NCOA5: variants seen among roughly 807,000 people sequenced by gnomAD.
The protein encoded by NCOA5 is NCoA-5.
In NCOA5, 12 loss-of-function variants were observed where a neutral mutation model predicts 59.0. That is an observed-to-expected ratio of 0.20 (90% CI 0.13 to 0.33). The LOEUF is 0.33. Ranked by LOEUF, NCOA5 falls within the 10% of genes least tolerant of loss-of-function variation. The pLI is 1.00. For missense variants in NCOA5, 655 were observed against 766.6 expected (o/e 0.85, Z 1.72); for synonymous variants, 270 against 275.5 (o/e 0.98, Z 0.20).
chr20:46,063,715 A>G, intron 6 of NCOA5, 35 bp from the exon 7 acceptor site: 3 of 1,592,166 alleles, frequency 1.9e-6, no homozygotes, highest in Non-Finnish European at 2.6e-6. Flanking sequence ...ATTTTCTTCC[A>G]TGACATATTT....
intron 4 of NCOA5, 143 bp from the exon 5 acceptor site, chr20:46,067,324 T>A: frequency 9.9e-7 from 1 of 1,009,904 alleles, no homozygotes; most frequent in Non-Finnish European, 1.4e-6. Context: ...TATTTTTTAC[T>A]ATTATAAATT....
At chr20:46,077,489 C>A (rs556511556) in intron 2 of NCOA5, among the ~76,000 whole-genome samples, 4 of 152,156 alleles carry the variant, frequency 2.6e-5, no homozygotes, top group Admixed American at 2.6e-4. Context: ...CAATCCATAA[C>A]AGAAACAGGA....
rs766951867 is a variant in NCOA5, at chr20:46,061,494, G to A, written c.*806C>T. The A allele has an allele frequency of 2.0e-5, 3 of 152,530 alleles. No homozygotes were observed. Among genetic ancestry groups the A allele is most frequent in the Admixed American group, 6.6e-5 (1 of 15,252 alleles). The allele number at this position is 152,530 out of a possible 1,614,324, so 9.4% of individuals were successfully genotyped here. A position where few individuals can be genotyped will look rare whatever the true frequency, so the allele number is the denominator to read the frequency against. The stretch of plus-strand genomic sequence containing the variant: ...AATCACTGAAGAAACGGGTGTTCAC[G>A]GCCAGAGTCTCAGAACCAACTTCAT... On this transcript the variant is annotated 3_prime_UTR_variant, in exon 8 of 8. Coordinates refer to ENST00000290231, the MANE Select transcript of NCOA5 (RefSeq NM_020967.3).
intron 1 of NCOA5, among the ~76,000 whole-genome samples, chr20:46,084,413 T>C (rs2047340644): frequency 6.6e-6 from 1 of 152,192 alleles, no homozygotes; most frequent in South Asian, 2.1e-4. Flanking sequence ...GTCCAGTCTA[T>C]GCTAGACACT....
intron 1 of NCOA5, among the ~76,000 whole-genome samples, chr20:46,083,514 TA>T (rs2085014051): frequency 1.3e-5 from 2 of 152,162 alleles, no homozygotes; most frequent in Admixed American, 6.5e-5. Flanking sequence ...AAAAGACAAT[TA>T]AGATCTCTAA....
chr20:46,075,071 T>C (rs1056712767), intron 2 of NCOA5, among the ~76,000 whole-genome samples: 1 of 152,138 alleles, frequency 6.6e-6, no homozygotes, highest in East Asian at 1.9e-4. Context: ...TGCTGTATGA[T>C]GTTGATCCTC....
intron 2 of NCOA5, among the ~76,000 whole-genome samples, chr20:46,075,272 T>A (rs139258026): frequency 1.3e-5 from 2 of 152,168 alleles, no homozygotes; most frequent in Admixed American, 6.5e-5. Context: ...ACTTTCTTAT[T>A]GGTAGAGGTG....
intron 2 of NCOA5, among the ~76,000 whole-genome samples, chr20:46,077,807 T>C (rs1484276178): frequency 1.3e-5 from 2 of 152,222 alleles, no homozygotes; most frequent in African/African-American, 2.4e-5. Context: ...TCCACCTGTA[T>C]TCCATTCTGT....
At chr20:46,081,862 C>T (rs767941266) in intron 1 of NCOA5, among the ~76,000 whole-genome samples, 1 of 151,710 alleles carries the variant, frequency 6.6e-6, no homozygotes, top group Non-Finnish European at 1.5e-5. Context: ...CAACCACCAA[C>T]ATTACTGCCA....
intron 1 of NCOA5, among the ~76,000 whole-genome samples, chr20:46,079,896 G>GT (rs1462614874): frequency 1.3e-5 from 2 of 152,186 alleles, no homozygotes; most frequent in Non-Finnish European, 2.9e-5. Flanking sequence ...TTACTAAGAA[G>GT]TAATAGCTGG....
intron 2 of NCOA5, among the ~76,000 whole-genome samples, chr20:46,077,593 G>A (rs1300757342): frequency 6.6e-6 from 1 of 152,152 alleles, no homozygotes; most frequent in Non-Finnish European, 1.5e-5. Flanking sequence ...AAGTATCATG[G>A]AGACAACAGA....
intron 6 of NCOA5, 22 bp downstream of exon 6, chr20:46,065,007 C>T (rs368658697): frequency 1.3e-4 from 208 of 1,613,164 alleles, no homozygotes; most frequent in Non-Finnish European, 1.6e-4. Context: ...TAGTGACTAC[C>T]TCCGGTATTC....
Position 46,061,861 on chromosome 20 carries a change from T to C in NCOA5, c.*439A>G, listed in dbSNP as rs547275359. 5.1e-5 allele frequency: 8 copies of C among 156,944 alleles called. No individual in the cohort carries two copies. In the South Asian group the frequency reaches 1.5e-3, roughly 30 times the overall value. The allele number at this position is 156,944 out of a possible 1,614,324, so 9.7% of individuals were successfully genotyped here. On this transcript the variant is annotated 3_prime_UTR_variant, in exon 8 of 8. Transcript: ENST00000290231. ...CTTTTCTTCAACTCTAGGCAGGAGT[T>C]GCAGGCAGGAGCTTGAGCTCTGGTC... is the stretch of plus-strand genomic sequence containing the variant.
chr20:46,074,179 C>G (rs990779937), intron 2 of NCOA5, among the ~76,000 whole-genome samples: 2 of 152,130 alleles, frequency 1.3e-5, no homozygotes, highest in Non-Finnish European at 2.9e-5. Flanking sequence ...AGGACCCAAA[C>G]AAAGAACTCC....
At chr20:46,076,805 T>C (rs752234653) in intron 2 of NCOA5, among the ~76,000 whole-genome samples, 2 of 152,212 alleles carry the variant, frequency 1.3e-5, no homozygotes, top group Non-Finnish European at 2.9e-5. Flanking sequence ...AAGCAGGAAG[T>C]CACTGCCCTA....
intron 2 of NCOA5, among the ~76,000 whole-genome samples, chr20:46,074,721 T>C (rs2084918701): frequency 6.6e-6 from 1 of 152,186 alleles, no homozygotes; most frequent in Non-Finnish European, 1.5e-5. Context: ...TAAAGGGGTG[T>C]GCAGAGCACC....
At chr20:46,079,556 C>T (rs116067001) in intron 1 of NCOA5, 103 bp from the exon 2 acceptor site, 1 of 949,924 alleles carries the variant, frequency 1.1e-6, no homozygotes, top group African/African-American at 1.6e-5. Context: ...ACAATGACAA[C>T]CAGATGGTGT....
intron 5 of NCOA5, 76 bp downstream of exon 5, chr20:46,066,979 G>C (rs147772165): frequency 1.3e-6 from 2 of 1,519,020 alleles, no homozygotes; most frequent in Non-Finnish European, 1.8e-6. Flanking sequence ...AGATTCAGTG[G>C]ATAGAGGTGC....
intron 4 of NCOA5, 95 bp downstream of exon 4, chr20:46,068,407 G>T: frequency 7.4e-7 from 1 of 1,348,072 alleles, no homozygotes. Context: ...CAAGGCACTA[G>T]CCCTTTTTCA....
Sources: gnomAD v4.1 joint callset for allele counts (sites outside exome capture counted in the v4.1 genomes callset) on GRCh38, gnomAD v4.1.1 for gene constraint, MANE v1.5 for transcripts, NCBI Gene and HGNC (gene_info 2026-07-23, HGNC 2026-07-21) for gene names.